Variants in WDR36 observed in about 807,000 individuals in gnomAD.
The protein encoded by WDR36 is WD repeat-containing protein 36.
WDR36 carries 63 observed loss-of-function variants against 112.7 expected under a neutral mutation model. That is an observed-to-expected ratio of 0.56 (90% CI 0.46 to 0.69). The LOEUF is 0.69. Ranked by LOEUF, WDR36 falls within the 30% of genes least tolerant of loss-of-function variation. The probability of loss-of-function intolerance (pLI) is 0.00; values close to 1 mark genes in which losing one functional copy is unlikely to be tolerated. For synonymous variants in WDR36, 410 were observed against 362.2 expected (o/e 1.13, Z -1.50); for missense variants, 1,226 against 1,070.3 (o/e 1.15, Z -2.03).
At chr5:111,102,619 T>G (rs942963680) in intron 6 of WDR36, among the ~76,000 whole-genome samples, 1 of 151,796 alleles carries the variant, frequency 6.6e-6, no homozygotes, top group African/African-American at 2.4e-5. Context: ...GTGCTTATAG[T>G]TTGACTTAAA....
rs376464359 is a variant in WDR36 at position 111,098,852 on chromosome 5, T to G, written c.409+13T>G. 9.3e-6 allele frequency: 14 copies of G among 1,505,976 alleles called. No homozygotes were observed. Among genetic ancestry groups the G allele is most frequent in the Non-Finnish European group, 1.2e-5 (13 of 1,081,904 alleles). 93.3% of individuals were successfully genotyped at this position (1,505,976 alleles called of 1,614,324 possible). A position where few individuals can be genotyped will look rare whatever the true frequency, so the allele number is the denominator to read the frequency against. ...ATATATTCAGAAGGTAAGAGTTAAC[T>G]CATTTATTTGCTTTATCTTAGGGTA... On this transcript the variant is annotated intron_variant, in intron 4 of 22. Transcript: ENST00000513710.
At chr5:111,125,842 G>A (rs1753670018) in intron 22 of WDR36, 47 bp downstream of exon 22, 2 of 1,605,314 alleles carry the variant, frequency 1.2e-6, no homozygotes, top group Non-Finnish European at 1.7e-6. Flanking sequence ...TTCTTCTGGG[G>A]CAGTGCTATC....
intron 16 of WDR36, among the ~76,000 whole-genome samples, chr5:111,116,933 A>G (rs960319609): frequency 6.6e-6 from 1 of 152,232 alleles, no homozygotes; most frequent in African/African-American, 2.4e-5. Context: ...ACTTTTGATG[A>G]GTAATATTAA....
intron 11 of WDR36, among the ~76,000 whole-genome samples, chr5:111,106,982 A>G (rs528727647): frequency 1.3e-5 from 2 of 151,534 alleles, no homozygotes; most frequent in African/African-American, 4.8e-5. Context: ...CTTATAAGAC[A>G]CTGTCATACT....
intron 2 of WDR36, chr5:111,096,867 G>A (rs1752997255): frequency 1.8e-5 from 8 of 440,468 alleles, no homozygotes; most frequent in Non-Finnish European, 3.2e-5. Flanking sequence ...ATTCTCTTAG[G>A]GAAGGACAAG....
At chr5:111,122,813 C>T (rs925093496) in intron 19 of WDR36, among the ~76,000 whole-genome samples, 6 of 152,274 alleles carry the variant, frequency 3.9e-5, no homozygotes, top group African/African-American at 1.4e-4. Flanking sequence ...TAGAAACGCT[C>T]TTCCATCAAA....
rs1309683888 is a variant in WDR36 at position 111,092,544 on chromosome 5, G to T, written c.88G>T (p.Val30Leu). The T allele has an allele frequency of 1.2e-6, 2 of 1,614,236 alleles. No individual in the cohort carries two copies. The highest frequency in any genetic ancestry group is 2.2e-5 in the East Asian group (1 of 44,882). Reference sequence around the variant, plus strand: ...ACTTTTCAGCAACGACATTCCACACGTGGTGCGGTTCAGCGCGCTCAAGCG... The same window carrying T: ...ACTTTTCAGCAACGACATTCCACACTTGGTGCGGTTCAGCGCGCTCAAGCG... ...LGLFSNDIPH[V>L]VRFSALKRRF... The change falls in exon 1 of 23, where the codon GTG becomes TTG. Residue 30 changes from valine (V) to leucine (L), a missense_variant. Val to Leu is a conservative substitution (Grantham distance 32). Coordinates refer to ENST00000513710, the MANE Select transcript of WDR36 (RefSeq NM_139281.3).
chr5:111,110,123 T>G, intron 12 of WDR36, 66 bp from the exon 13 acceptor site: 2 of 1,138,696 alleles, frequency 1.8e-6, no homozygotes, highest in South Asian at 1.2e-5. Context: ...AAAAAATGCT[T>G]TGGAAAGCAT....
chr5:111,092,903 C>A (rs547771220), intron 1 of WDR36, among the ~76,000 whole-genome samples: 21 of 152,196 alleles, frequency 1.4e-4, no homozygotes, highest in Non-Finnish European at 2.5e-4. Flanking sequence ...ATTGACCTTC[C>A]CTTGAAGGTG....
chr5:111,098,839 G>A lies in WDR36; in HGVS notation c.409G>A (p.Glu137Lys). Residue 137 changes from glutamate to lysine, a missense_variant and splice_region_variant, in exon 4 of 23, where the codon GAA becomes AAA. Coordinates refer to ENST00000513710, the MANE Select transcript of WDR36 (RefSeq NM_139281.3). ...ILIIWHIYSE[E>K]EYLQLTFDKS... ...TATTATTTGGCACATATATTCAGAAGGTAAGAGTTAACTCATTTATTTGCT... is the reference window on the plus strand; with the variant it reads ...TATTATTTGGCACATATATTCAGAAAGTAAGAGTTAACTCATTTATTTGCT... 6.4e-7 allele frequency: 1 copy of A among 1,565,346 alleles called. No individual in the cohort carries two copies. The highest frequency in any genetic ancestry group is 8.8e-7 in the Non-Finnish European group (1 of 1,136,014).
At chr5:111,098,922 C>T in intron 4 of WDR36, 83 bp downstream of exon 4, 2 of 1,016,548 alleles carry the variant, frequency 2.0e-6, no homozygotes, top group Non-Finnish European at 3.1e-6. Flanking sequence ...ACATCTATGC[C>T]AGAGATTTTG....
rs1300956474 is a variant in WDR36, at chr5:111,104,302, C to T, written c.856C>T (p.Leu286Phe). ...TACAGCAATTGCCGGACTGACATTT[C>T]TCCATAGAGAGCCACTTCTTGTCAC... ...HSTAIAGLTF[L>F]HREPLLVTNG... Residue 286 changes from leucine to phenylalanine, a missense_variant, in exon 8 of 23, where the codon CTC (leucine) becomes TTC (phenylalanine). Transcript: ENST00000513710. 1 of 1,612,090 alleles carries T rather than the reference C, an allele frequency of 6.2e-7. No homozygotes were observed. Among genetic ancestry groups the T allele is most frequent in the Admixed American group, 1.7e-5 (1 of 59,848 alleles).
At chr5:111,105,238 C>T (rs941797517) in intron 9 of WDR36, 57 bp from the exon 10 acceptor site, 8 of 1,524,216 alleles carry the variant, frequency 5.2e-6, no homozygotes, top group African/African-American at 2.7e-5. Flanking sequence ...ATTTGTGATT[C>T]ACATAGTCCC....
At chr5:111,098,580 A>T in intron 3 of WDR36, 142 bp from the exon 4 acceptor site, 1 of 661,420 alleles carries the variant, frequency 1.5e-6, no homozygotes, top group Non-Finnish European at 2.7e-6. Flanking sequence ...TTATGTGTTC[A>T]TCCTAACCTT....
At chr5:111,111,004 CAT>C (rs759253780) in intron 14 of WDR36, 51 bp downstream of exon 14, 41 of 1,598,266 alleles carry the variant, frequency 2.6e-5, no homozygotes, top group Non-Finnish European at 2.7e-5. Context: ...TGGTAAAAGT[CAT>C]AAAGTCACAA....
At chr5:111,106,614 G>A (rs1478116126) in intron 11 of WDR36, among the ~76,000 whole-genome samples, 2 of 151,402 alleles carry the variant, frequency 1.3e-5, no homozygotes, top group Non-Finnish European at 3.0e-5. Context: ...AATTACTGTA[G>A]AGGCACCATT....
At chr5:111,115,435 A>T (rs1472861500) in intron 16 of WDR36, among the ~76,000 whole-genome samples, 1 of 152,194 alleles carries the variant, frequency 6.6e-6, no homozygotes. Flanking sequence ...AGGCTATTAG[A>T]GAAATTAAGT....
chr5:111,124,674 C>T (rs1481354875), intron 21 of WDR36, among the ~76,000 whole-genome samples: 1 of 152,098 alleles, frequency 6.6e-6, no homozygotes, highest in East Asian at 1.9e-4. Context: ...TCGAAGGCTA[C>T]AGTCTGTAGC....
chr5:111,102,567 A>G (rs1051309796), intron 6 of WDR36, among the ~76,000 whole-genome samples, 168 bp downstream of exon 6: 3 of 151,788 alleles, frequency 2.0e-5, no homozygotes, highest in African/African-American at 7.2e-5. Context: ...AAGTTAAAAC[A>G]AGTAATAATG....
Sources: allele counts gnomAD v4.1 joint callset (sites outside exome capture counted in the v4.1 genomes callset), GRCh38; gene constraint gnomAD v4.1.1; transcripts MANE v1.5; gene names NCBI Gene and HGNC (gene_info 2026-07-23, HGNC 2026-07-21).